The following ADAM22 variants were observed in gnomAD, a reference collection of about 807,000 sequenced individuals.
The protein encoded by ADAM22 is ADAM metallopeptidase domain 22.
In ADAM22, 65 loss-of-function variants were observed where a neutral mutation model predicts 144.6. The observed-to-expected ratio is 0.45, with a 90% CI of 0.37 to 0.55. ADAM22 has a LOEUF of 0.55. Ranked by LOEUF, ADAM22 falls within the 20% of genes least tolerant of loss-of-function variation. The pLI is 0.00. For synonymous variants in ADAM22, 391 were observed against 412.6 expected (o/e 0.95, Z 0.63); for missense variants, 974 against 1,184.9 (o/e 0.82, Z 2.61).
chr7:88,184,273 A>G (rs1375652571), intron 29 of ADAM22: 3 of 390,300 alleles, frequency 7.7e-6, no homozygotes, highest in Non-Finnish European at 1.5e-5. Context: ...ACTTTGTATT[A>G]TATATTGTGT....
At chr7:88,070,683 G>C (rs1477664462) in intron 3 of ADAM22, among the ~76,000 whole-genome samples, 1 of 152,040 alleles carries the variant, frequency 6.6e-6, no homozygotes, top group Non-Finnish European at 1.5e-5. Context: ...GTTGTTACTA[G>C]GATACATTTT....
At chr7:88,185,623 T>C (rs1287576960) in intron 29 of ADAM22, among the ~76,000 whole-genome samples, 1 of 152,084 alleles carries the variant, frequency 6.6e-6, no homozygotes, top group African/African-American at 2.4e-5. Context: ...TTGTTAAATC[T>C]ACATTATTTT....
intron 3 of ADAM22, among the ~76,000 whole-genome samples, chr7:88,019,425 A>C (rs1797241276): frequency 6.6e-6 from 1 of 152,130 alleles, no homozygotes; most frequent in South Asian, 2.1e-4. Context: ...CAGTGAGCCG[A>C]GATCATGCCA....
At chr7:88,100,485 C>A (rs1822611275) in intron 4 of ADAM22, among the ~76,000 whole-genome samples, 1 of 152,114 alleles carries the variant, frequency 6.6e-6, no homozygotes, top group Admixed American at 6.6e-5. Flanking sequence ...CTTTTAGAAT[C>A]AATTATACTC....
chr7:88,143,073 A>G lies in ADAM22; in HGVS notation c.1268A>G (p.His423Arg). ...KFTQCNIEEY[H>R]DFLNSGGGAC... ...ACCCAGTGTAATATTGAAGAGTATC[A>G]TGACTTCCTGAATAGTGGAGGTGGT... The change falls in exon 15 of 32, where the codon CAT becomes CGT. Residue 423 changes from histidine (H) to arginine (R), a missense_variant. Physicochemically the swap from His to Arg is conservative, Grantham distance 29. Coordinates refer to ENST00000413139, the MANE Select transcript of ADAM22 (RefSeq NM_001324418.2). The G allele has an allele frequency of 1.2e-6, 2 of 1,613,132 alleles. No homozygotes were observed. The highest frequency in any genetic ancestry group is 8.5e-7 in the Non-Finnish European group (1 of 1,179,354).
In ADAM22 at chr7:88,200,328, C is replaced by A. The variant is rs1480751664; in HGVS notation, c.*3837C>A. 1 of 152,020 alleles carries A rather than the reference C, an allele frequency of 6.6e-6. No individual in the cohort carries two copies. The highest frequency in any genetic ancestry group is 6.6e-5 in the Admixed American group (1 of 15,266). 9.4% of individuals were successfully genotyped at this position (152,020 alleles called of 1,614,324 possible). A position where few individuals can be genotyped will look rare whatever the true frequency, so the allele number is the denominator to read the frequency against. ...GAAAAGATTATTTTACTTTATTTTACTTAAAGGAAAGAGAATTTATTGGCA... is the reference window on the plus strand; with the variant it reads ...GAAAAGATTATTTTACTTTATTTTAATTAAAGGAAAGAGAATTTATTGGCA... On this transcript the variant is annotated 3_prime_UTR_variant, in exon 32 of 32. Transcript: ENST00000413139.
At chr7:88,106,451 T>C (rs1292149543) in intron 4 of ADAM22, among the ~76,000 whole-genome samples, 1 of 152,186 alleles carries the variant, frequency 6.6e-6, no homozygotes, top group East Asian at 1.9e-4. Flanking sequence ...CTTCAGTCTG[T>C]TACATCTCCA....
At chr7:88,001,420 G>A (rs1562992654) in intron 3 of ADAM22, among the ~76,000 whole-genome samples, 1 of 152,086 alleles carries the variant, frequency 6.6e-6, no homozygotes. Flanking sequence ...CATTCAAAAA[G>A]TTTTGAATTT....
In ADAM22 at chr7:88,181,588, G is replaced by A; in HGVS notation, c.2579G>A (p.Arg860Gln). The A allele has an allele frequency of 1.2e-6, 2 of 1,613,662 alleles. No individual in the cohort carries two copies. The highest frequency in any genetic ancestry group is 1.7e-6 in the Non-Finnish European group (2 of 1,179,690). Residue 860 changes from arginine (R) to glutamine (Q), a missense_variant, in exon 28 of 32, where the codon CGA (arginine) becomes CAA (glutamine). This residue lies in a region of ADAM22 where 734 missense variants were observed against 950.6 expected (regional missense o/e 0.77). Transcript: ENST00000413139. ...ISDICENGRP[R>Q]SNSWQGNLGG... ...GACATCTGTGAAAATGGGCGACCTC[G>A]AAGTAACTCTTGGCAAGGTAGAGGC... is the stretch of plus-strand genomic sequence containing the variant.
chr7:88,127,321 T>C (rs1830651357), intron 8 of ADAM22, among the ~76,000 whole-genome samples: 1 of 152,090 alleles, frequency 6.6e-6, no homozygotes, highest in African/African-American at 2.4e-5. Context: ...GAGAAAGCCA[T>C]GGACCCATAG....
intron 3 of ADAM22, among the ~76,000 whole-genome samples, chr7:88,028,482 T>C (rs1799523053): frequency 6.6e-6 from 1 of 152,180 alleles, no homozygotes; most frequent in South Asian, 2.1e-4. Context: ...GTTCTGTAAA[T>C]ATCTATTAAG....
intron 4 of ADAM22, among the ~76,000 whole-genome samples, chr7:88,090,978 C>T (rs1051975630): frequency 6.6e-6 from 1 of 152,096 alleles, no homozygotes; most frequent in Non-Finnish European, 1.5e-5. Context: ...CTGTGATATT[C>T]TCACAGAAGT....
At chr7:87,994,885 TGGC>T (rs1168363366) in intron 3 of ADAM22, among the ~76,000 whole-genome samples, 1 of 152,074 alleles carries the variant, frequency 6.6e-6, no homozygotes, top group East Asian at 1.9e-4. Context: ...TGGAGTGCAG[TGGC>T]GCGATCTCCG....
intron 3 of ADAM22, among the ~76,000 whole-genome samples, chr7:88,023,538 A>G (rs753230523): frequency 2.8e-4 from 42 of 151,876 alleles, no homozygotes; most frequent in Non-Finnish European, 4.1e-4. Context: ...TCCTGCCTCA[A>G]TCTCCTGAGT....
At chr7:88,010,607 C>T (rs1235363037) in intron 3 of ADAM22, among the ~76,000 whole-genome samples, 1 of 152,132 alleles carries the variant, frequency 6.6e-6, no homozygotes, top group Non-Finnish European at 1.5e-5. Flanking sequence ...TTTTCCAGCT[C>T]CTAGTGGGAA....
intron 14 of ADAM22, among the ~76,000 whole-genome samples, chr7:88,137,278 G>GTT (rs1833225775): frequency 6.6e-6 from 1 of 152,066 alleles, no homozygotes; most frequent in Non-Finnish European, 1.5e-5. Context: ...CCATTCTCCT[G>GTT]CTGAGAAATT....
At chr7:88,160,441 G>A (rs190539367) in intron 22 of ADAM22, among the ~76,000 whole-genome samples, 170 of 151,896 alleles carry the variant, frequency 1.1e-3, no homozygotes, top group African/African-American at 3.9e-3. Flanking sequence ...GAGGTATCAC[G>A]TTGCTCAACT....
intron 3 of ADAM22, among the ~76,000 whole-genome samples, chr7:88,060,778 A>C (rs900715798): frequency 8.6e-5 from 13 of 150,986 alleles, no homozygotes; most frequent in Admixed American, 2.6e-4. Context: ...AAAAAAAAAA[A>C]AAACAAAAAA....
At chr7:88,044,027 A>G (rs1010948379) in intron 3 of ADAM22, among the ~76,000 whole-genome samples, 1 of 152,250 alleles carries the variant, frequency 6.6e-6, no homozygotes, top group Non-Finnish European at 1.5e-5. Flanking sequence ...ACAGTATGGC[A>G]TACATTAAAT....
Sources: gnomAD v4.1 joint callset for allele counts (sites outside exome capture counted in the v4.1 genomes callset) on GRCh38, gnomAD v4.1.1 for gene constraint, gnomAD v4.1.1 regional missense constraint, MANE v1.5 for transcripts, NCBI Gene and HGNC (gene_info 2026-07-23, HGNC 2026-07-21) for gene names.